The following CDC42BPB variants were observed in gnomAD, a reference collection of about 807,000 sequenced individuals.
The protein encoded by CDC42BPB is CDC42 binding protein kinase beta, also known as serine/threonine-protein kinase MRCK beta.
Under a neutral mutation model 214.9 loss-of-function variants are expected in CDC42BPB, and 37 were observed. The observed-to-expected ratio is 0.17, with a 90% CI of 0.13 to 0.23. The LOEUF (loss-of-function observed/expected upper bound fraction) is 0.23, where lower values mean the gene tolerates loss of function less well. Among genes scored for constraint, CDC42BPB ranks in the 10% least tolerant of loss-of-function variants. CDC42BPB has a pLI of 1.00. For synonymous variants in CDC42BPB, 931 were observed against 884.0 expected (o/e 1.05, Z -0.94); for missense variants, 1,694 against 2,227.0 (o/e 0.76, Z 4.82).
At chr14:103,017,573 GA>G (rs1886539536) in intron 1 of CDC42BPB, among the ~76,000 whole-genome samples, 1 of 152,054 alleles carries the variant, frequency 6.6e-6, no homozygotes, top group Non-Finnish European at 1.5e-5. Context: ...ACACGAGGGG[GA>G]AACCATAGCC....
intron 8 of CDC42BPB, chr14:102,978,423 G>C (rs1461323758): frequency 1.4e-6 from 1 of 725,746 alleles, no homozygotes; most frequent in African/African-American, 1.9e-5. Context: ...AAAGCTCACA[G>C]GAGACACACT....
At chr14:103,036,578 C>T (rs1156820786) in intron 1 of CDC42BPB, among the ~76,000 whole-genome samples, 1 of 152,070 alleles carries the variant, frequency 6.6e-6, no homozygotes, top group Non-Finnish European at 1.5e-5. Flanking sequence ...CTACAGACTA[C>T]TCCTCATTTG....
At chr14:102,950,704 G>C in intron 24 of CDC42BPB, 102 bp from the exon 25 acceptor site, 5 of 1,384,948 alleles carry the variant, frequency 3.6e-6, no homozygotes, top group Non-Finnish European at 4.7e-6. Context: ...ACCAGGTCTC[G>C]CCTGGAATCC....
Position 102,990,314 on chromosome 14 carries a change from G to C in CDC42BPB, c.597-3734C>G, listed in dbSNP as rs145019102. On this transcript the variant is annotated intron_variant, in intron 5 of 36. Transcript: ENST00000361246. ...ACAGAACTTGAATTACTGCAGGTGA[G>C]GGGTGCAGTCCCAATGAGATGGGGG... 5.3e-4 allele frequency among the ~76,000 whole-genome samples: 80 copies of C among 152,338 alleles called. No homozygotes were observed. In the East Asian group the frequency reaches 0.01, roughly 19 times the overall value.
chr14:103,033,399 T>G (rs1244393608), intron 1 of CDC42BPB, among the ~76,000 whole-genome samples: 1 of 152,036 alleles, frequency 6.6e-6, no homozygotes, highest in African/African-American at 2.4e-5. Context: ...TTTTTTTGTA[T>G]TTTTAGTAGA....
chr14:102,938,591 C>T, intron 34 of CDC42BPB, 180 bp from the exon 35 acceptor site: 1 of 978,910 alleles, frequency 1.0e-6, no homozygotes, highest in Non-Finnish European at 1.2e-6. Context: ...CTGGCAATAG[C>T]AACTTCAGGG....
chr14:103,024,872 T>C (rs535550862), intron 1 of CDC42BPB, among the ~76,000 whole-genome samples: 186 of 152,272 alleles, frequency 1.2e-3, no homozygotes, highest in African/African-American at 4.3e-3. Context: ...AGCCACTGGG[T>C]CCAGTCTAAA....
In CDC42BPB at chr14:102,946,591, G is replaced by T; in HGVS notation, c.3625C>A (p.Leu1209Ile). 6.2e-7 allele frequency: 1 copy of T among 1,612,794 alleles called. No homozygotes were observed. The highest frequency in any genetic ancestry group is 1.1e-5 in the South Asian group (1 of 91,080). Residue 1209 changes from leucine to isoleucine, a missense_variant, in exon 28 of 37, where the codon CTA (leucine) becomes ATA (isoleucine). This residue lies in a region of CDC42BPB where 567 missense variants were observed against 790.3 expected (regional missense o/e 0.72). Transcript: ENST00000361246. ...ENEKRKWVGI[L>I]EGLQSILHKN... ...TGAAGGATGGACTGGAGTCCTTCTA[G>T]AATCCCAACCCACTTCCTCTTTTCA... is the stretch of plus-strand genomic sequence containing the variant.
At chr14:102,963,625 C>T (rs966039623) in intron 19 of CDC42BPB, among the ~76,000 whole-genome samples, 5 of 152,132 alleles carry the variant, frequency 3.3e-5, no homozygotes, top group South Asian at 2.1e-4. Flanking sequence ...AACACCTGGC[C>T]GGGAGGGATG....
At chr14:102,966,825 C>A (rs1188867807) in intron 17 of CDC42BPB, among the ~76,000 whole-genome samples, 1 of 152,200 alleles carries the variant, frequency 6.6e-6, no homozygotes, top group Non-Finnish European at 1.5e-5. Context: ...ACGGTTTGCC[C>A]CAAGTCCTTC....
At chr14:102,998,545 T>C (rs565377625) in intron 5 of CDC42BPB, among the ~76,000 whole-genome samples, 1 of 152,204 alleles carries the variant, frequency 6.6e-6, no homozygotes, top group Non-Finnish European at 1.5e-5. Flanking sequence ...ACTGAATCTT[T>C]GAGTCTCAGG....
intron 21 of CDC42BPB, among the ~76,000 whole-genome samples, chr14:102,958,684 G>A (rs1892818577): frequency 6.6e-6 from 1 of 152,080 alleles, no homozygotes; most frequent in South Asian, 2.1e-4. Flanking sequence ...CAGCGGCTCC[G>A]ACTGCCTGAG....
At chr14:103,047,577 G>A (rs567714116) in intron 1 of CDC42BPB, among the ~76,000 whole-genome samples, 24 of 152,202 alleles carry the variant, frequency 1.6e-4, no homozygotes, top group African/African-American at 3.6e-4. Flanking sequence ...AATTCTGTAC[G>A]CAGGCAAAGT....
rs913627712 is a variant in CDC42BPB, at chr14:102,954,284, C to G, written c.2989-9G>C. The stretch of plus-strand genomic sequence containing the variant: ...GGGGGCCGAGCCATGTCCTGGGAGA[C>G]AAGCAGGACAGGTGAGTGTCGGCCC... On this transcript the variant is annotated splice_polypyrimidine_tract_variant and intron_variant, in intron 22 of 36. Coordinates refer to ENST00000361246, the MANE Select transcript of CDC42BPB (RefSeq NM_006035.4). The G allele has an allele frequency of 6.6e-7, 1 of 1,519,398 alleles. No homozygotes were observed. The highest frequency in any genetic ancestry group is 1.7e-4 in the Middle Eastern group (1 of 5,766). 94.1% of individuals were successfully genotyped at this position (1,519,398 alleles called of 1,614,324 possible). A position where few individuals can be genotyped will look rare whatever the true frequency, so the allele number is the denominator to read the frequency against.
At chr14:102,976,308 C>T (rs914388231) in intron 9 of CDC42BPB, 1 of 622,534 alleles carries the variant, frequency 1.6e-6, no homozygotes, top group Admixed American at 6.3e-5. Flanking sequence ...AATCATCCCC[C>T]ACACTTAACT....
chr14:102,968,636 C>T lies in CDC42BPB; in HGVS notation c.2076G>A (p.Lys692=), dbSNP rs1233463810. 1.2e-6 allele frequency: 2 copies of T among 1,614,232 alleles called. No individual in the cohort carries two copies. The highest frequency in any genetic ancestry group is 3.3e-5 in the Admixed American group (2 of 60,026). The change falls in exon 15 of 37, where the codon AAG becomes AAA. Residue 692 remains lysine, a synonymous_variant. Transcript: ENST00000361246. The part of the protein sequence containing the change: ...EISKIKSELE[K]KVLFYEEELV... ...ATTCCTCTTCATAAAATAAGACTTTCTTCTCCAGCTCGGATTTGATTTTGG... is the reference window on the plus strand; with the variant it reads ...ATTCCTCTTCATAAAATAAGACTTTTTTCTCCAGCTCGGATTTGATTTTGG...
chr14:103,000,014 C>A, intron 4 of CDC42BPB: 1 of 524,358 alleles, frequency 1.9e-6, no homozygotes, highest in African/African-American at 2.1e-5. Context: ...GCTAGTGACC[C>A]AAAGCAGAAG....
At chr14:102,955,948 C>CACA (rs1892688428) in intron 21 of CDC42BPB, among the ~76,000 whole-genome samples, 1 of 152,226 alleles carries the variant, frequency 6.6e-6, no homozygotes, top group Non-Finnish European at 1.5e-5. Flanking sequence ...ATAAAACACA[C>CACA]ACACAACTGT....
chr14:102,966,424 T>C (rs749061384), intron 17 of CDC42BPB, 37 bp from the exon 18 acceptor site: 3 of 1,608,500 alleles, frequency 1.9e-6, no homozygotes, highest in Middle Eastern at 1.7e-4. Flanking sequence ...TCACGAAGCA[T>C]GGCTATCAGG....
Sources: gnomAD v4.1 joint callset for allele counts (sites outside exome capture counted in the v4.1 genomes callset) on GRCh38, gnomAD v4.1.1 for gene constraint, gnomAD v4.1.1 regional missense constraint, MANE v1.5 for transcripts, NCBI Gene and HGNC (gene_info 2026-07-23, HGNC 2026-07-21) for gene names.